ASB3: variants seen among roughly 807,000 people sequenced by gnomAD.
ASB3 encodes the protein ankyrin repeat and SOCS box containing 3.
Under a neutral mutation model 54.5 loss-of-function variants are expected in ASB3, and 41 were observed. The ratio of observed to expected loss-of-function variants is 0.75; its 90% CI spans 0.59 to 0.98. The LOEUF (loss-of-function observed/expected upper bound fraction) is 0.98, where lower values mean the gene tolerates loss of function less well. ASB3 is among the 50% of genes least tolerant of loss of function. The probability of loss-of-function intolerance (pLI) is 0.00; values close to 1 mark genes in which losing one functional copy is unlikely to be tolerated. For missense variants in ASB3, 733 were observed against 620.0 expected (o/e 1.18, Z -1.94); for synonymous variants, 266 against 221.2 (o/e 1.20, Z -1.80).
chr2:53,700,224 T>C, intron 8 of ASB3, 47 bp downstream of exon 8: 1 of 1,576,766 alleles, frequency 6.3e-7, no homozygotes, highest in South Asian at 1.2e-5. Context: ...TTAAAGGTAG[T>C]ATATTCACTC....
chr2:53,765,579 G>A lies in ASB3; in HGVS notation c.-7C>T. On this transcript the variant is annotated 5_prime_UTR_variant, in exon 2 of 10. Coordinates refer to ENST00000263634, the MANE Select transcript of ASB3 (RefSeq NM_016115.5). Reference sequence around the variant, plus strand: ...AAGCCTCTGTAAAATCCATTTGTTTGACCAGTCTACAAAACAAGGTAGAAG... The same window carrying A: ...AAGCCTCTGTAAAATCCATTTGTTTAACCAGTCTACAAAACAAGGTAGAAG... 1.2e-6 allele frequency: 2 copies of A among 1,614,074 alleles called. No homozygotes were observed. The highest frequency in any genetic ancestry group is 1.1e-5 in the South Asian group (1 of 91,050).
At chr2:53,726,621 CAT>C (rs756234370) in intron 5 of ASB3, among the ~76,000 whole-genome samples, 70 of 150,850 alleles carry the variant, frequency 4.6e-4, no homozygotes, top group Admixed American at 1.1e-3. Context: ...TATATACACA[CAT>C]ATATATATAC....
intron 3 of ASB3, among the ~76,000 whole-genome samples, chr2:53,741,637 C>T (rs918207): frequency 0.43 from 64,799 of 151,880 alleles, 14,511 homozygotes; most frequent in East Asian, 0.62. Context: ...GGTCTATTCA[C>T]TGCTACCATA....
chr2:53,742,092 G>A (rs975796100), intron 3 of ASB3, among the ~76,000 whole-genome samples: 13 of 152,158 alleles, frequency 8.5e-5, no homozygotes, highest in African/African-American at 2.4e-4. Context: ...GTTGAAATCC[G>A]AAAATCAGAG....
chr2:53,711,559 G>T (rs572440667), intron 7 of ASB3, among the ~76,000 whole-genome samples: 1 of 152,302 alleles, frequency 6.6e-6, no homozygotes, highest in African/African-American at 2.4e-5. Flanking sequence ...CAGATCACTT[G>T]AGGTCAGAAG....
At chr2:53,719,531 A>G (rs1394709025) in intron 5 of ASB3, among the ~76,000 whole-genome samples, 1 of 152,040 alleles carries the variant, frequency 6.6e-6, no homozygotes, top group African/African-American at 2.4e-5. Flanking sequence ...GGCTGGGAAG[A>G]TGCCAGCCCC....
At chr2:53,737,724 G>GAA (rs543660229) in intron 3 of ASB3, among the ~76,000 whole-genome samples, 19 of 63,888 alleles carry the variant, frequency 3.0e-4, no homozygotes, top group East Asian at 6.1e-4. Flanking sequence ...TTTAAAAAAG[G>GAA]AAAAAAAAAA....
rs1380537671 is a variant in ASB3, at chr2:53,700,168, AAC to A, written c.1238+101_1238+102del. On this transcript the variant is annotated intron_variant, in intron 8 of 9. Coordinates refer to ENST00000263634, the MANE Select transcript of ASB3 (RefSeq NM_016115.5). Reference sequence around the variant, plus strand: ...ACCCCAATTCAGCCATCACAGTCAAAACACAGATACCCTTCTCCAAACACTGG... The same window carrying A: ...ACCCCAATTCAGCCATCACAGTCAAAACAGATACCCTTCTCCAAACACTGG... 4 of 1,510,896 alleles carry A rather than the reference AAC, an allele frequency of 2.6e-6. No individual in the cohort carries two copies. The Admixed American group carries it at 6.9e-5, about 26-fold the overall frequency. The allele number at this position is 1,510,896 out of a possible 1,614,324, so 93.6% of individuals were successfully genotyped here.
intron 2 of ASB3, among the ~76,000 whole-genome samples, chr2:53,762,942 G>A (rs192300140): frequency 2.0e-4 from 31 of 152,298 alleles, no homozygotes; most frequent in African/African-American, 7.0e-4. Context: ...AAGAGACAGT[G>A]AAGCAAAACT....
intron 5 of ASB3, among the ~76,000 whole-genome samples, chr2:53,727,125 A>C (rs528933663): frequency 1.5e-4 from 23 of 152,296 alleles, no homozygotes; most frequent in African/African-American, 5.3e-4. Context: ...TAGATCTTTG[A>C]CAAGGCACTT....
At chr2:53,728,600 A>G in intron 5 of ASB3, 112 bp downstream of exon 5, 1 of 1,327,948 alleles carries the variant, frequency 7.5e-7, no homozygotes, top group Non-Finnish European at 9.8e-7. Flanking sequence ...CCACTTACAT[A>G]AAACCATAAA....
intron 7 of ASB3, among the ~76,000 whole-genome samples, chr2:53,703,820 G>A (rs1239172474): frequency 2.0e-5 from 3 of 152,076 alleles, no homozygotes; most frequent in South Asian, 2.1e-4. Context: ...ACCTGAAGTC[G>A]GATAGGTGTT....
intron 2 of ASB3, among the ~76,000 whole-genome samples, chr2:53,760,861 A>G (rs557994186): frequency 6.6e-6 from 1 of 152,318 alleles, no homozygotes; most frequent in Non-Finnish European, 1.5e-5. Context: ...TCAAAGCTGT[A>G]AAATTACAAA....
chr2:53,698,987 T>C (rs1485403457), intron 8 of ASB3, among the ~76,000 whole-genome samples: 1 of 152,248 alleles, frequency 6.6e-6, no homozygotes, highest in Non-Finnish European at 1.5e-5. Flanking sequence ...TCTGTCTTAG[T>C]CCATTCTCTG....
At chr2:53,762,079 T>C (rs755018038) in intron 2 of ASB3, among the ~76,000 whole-genome samples, 2 of 152,174 alleles carry the variant, frequency 1.3e-5, no homozygotes, top group African/African-American at 4.8e-5. Flanking sequence ...TGTCATAGGA[T>C]GCAGAAGGAG....
At chr2:53,766,179 G>A (rs1319871559) in intron 1 of ASB3, among the ~76,000 whole-genome samples, 2 of 152,148 alleles carry the variant, frequency 1.3e-5, no homozygotes, top group African/African-American at 4.8e-5. Context: ...TAGACCCACT[G>A]ACTGAGCATA....
chr2:53,682,159 C>CA (rs773098555), intron 9 of ASB3, among the ~76,000 whole-genome samples: 18,860 of 76,812 alleles, frequency 0.25, 1,383 homozygotes, highest in Middle Eastern at 0.33. Flanking sequence ...GACTCCGTCT[C>CA]AAAAAAAAAA....
chr2:53,775,620 C>A (rs1400724371), intron 1 of ASB3, among the ~76,000 whole-genome samples: 1 of 152,182 alleles, frequency 6.6e-6, no homozygotes, highest in East Asian at 1.9e-4. Flanking sequence ...GGATTACAGG[C>A]ATGTGCCACC....
Position 53,786,916 on chromosome 2 carries a change from T to A in ASB3, c.-109A>T, listed in dbSNP as rs1675055260. ...CCCCCGCTTTCGATCCCCACCGCGA[T>A]GCTGCAGCCGTCCGAAAACGAGAGA... On this transcript the variant is annotated 5_prime_UTR_variant, in exon 1 of 10. Coordinates refer to ENST00000263634, the MANE Select transcript of ASB3 (RefSeq NM_016115.5). 2.6e-6 allele frequency: 1 copy of A among 380,896 alleles called. No individual in the cohort carries two copies. Among genetic ancestry groups the A allele is most frequent in the Non-Finnish European group, 4.7e-6 (1 of 211,472 alleles). 23.6% of individuals were successfully genotyped at this position (380,896 alleles called of 1,614,324 possible).
Sources: allele counts gnomAD v4.1 joint callset (sites outside exome capture counted in the v4.1 genomes callset), GRCh38; gene constraint gnomAD v4.1.1; transcripts MANE v1.5; gene names NCBI Gene and HGNC (gene_info 2026-07-23, HGNC 2026-07-21).